Variants in CEP350 observed in about 807,000 individuals in gnomAD.
CEP350 encodes the protein centrosome-associated protein 350.
A neutral mutation model predicts 331.8 loss-of-function variants in CEP350; 126 were observed. The observed-to-expected ratio is 0.38, with a 90% confidence interval of 0.33 to 0.44. CEP350 has a LOEUF of 0.44. Ranked by LOEUF, CEP350 falls within the 20% of genes least tolerant of loss-of-function variation. The pLI is 1.00. For synonymous variants in CEP350, 1,200 were observed against 1,259.5 expected (o/e 0.95, Z 1.00); for missense variants, 3,406 against 3,634.6 (o/e 0.94, Z 1.62).
chr1:179,962,346 A>C (rs969558118), intron 1 of CEP350, among the ~76,000 whole-genome samples: 2 of 152,166 alleles, frequency 1.3e-5, no homozygotes, highest in Non-Finnish European at 2.9e-5. Flanking sequence ...ATGGCTACGT[A>C]GTATTCCACG....
chr1:180,050,145 T>C (rs1293644188), intron 22 of CEP350, among the ~76,000 whole-genome samples: 1 of 152,176 alleles, frequency 6.6e-6, no homozygotes, highest in Non-Finnish European at 1.5e-5. Context: ...AACATAAATC[T>C]AGGTGACGTT....
rs764550684 is a variant in CEP350 at position 180,084,018 on chromosome 1, A to G, written c.6125A>G (p.Glu2042Gly). Residue 2042 changes from glutamate to glycine, a missense_variant and splice_region_variant, in exon 31 of 38, where the codon GAA becomes GGA. Glu to Gly is a moderately conservative substitution (Grantham distance 98). This residue lies in a region of CEP350 where 1,415 missense variants were observed against 1,512.3 expected (regional missense o/e 0.94). Coordinates refer to ENST00000367607, the MANE Select transcript of CEP350 (RefSeq NM_014810.5). ...ATAAAAGATTTTGTATCTCTTTCAG[A>G]AACTACATCTGACCAGAGTGATATT... is the stretch of plus-strand genomic sequence containing the variant. ...SDESLSMTQS[E>G]TTSDQSDIEG... 41 of 1,487,856 alleles carry G rather than the reference A, an allele frequency of 2.8e-5. No homozygotes were observed. Among genetic ancestry groups the G allele is most frequent in the Non-Finnish European group, 3.5e-5 (39 of 1,112,442 alleles). 92.2% of individuals were successfully genotyped at this position (1,487,856 alleles called of 1,614,324 possible). A position where few individuals can be genotyped will look rare whatever the true frequency, so the allele number is the denominator to read the frequency against.
chr1:179,976,684 A>G (rs1022698162), intron 1 of CEP350, among the ~76,000 whole-genome samples: 3 of 152,080 alleles, frequency 2.0e-5, no homozygotes, highest in African/African-American at 7.2e-5. Flanking sequence ...TGAATGTAAG[A>G]AATACAAGAA....
In CEP350 at chr1:180,096,054, C is replaced by T. The variant is rs183508846; in HGVS notation, c.8936C>T (p.Thr2979Ile). 1 of 1,552,366 alleles carries T rather than the reference C, an allele frequency of 6.4e-7. No individual in the cohort carries two copies. Among genetic ancestry groups the T allele is most frequent in the East Asian group, 2.4e-5 (1 of 41,108 alleles). ...TCTATCAAGGCGGTTTTTGATTTAA[C>T]AAAAGAGATTTTTGAGGAAATATTT... is the stretch of plus-strand genomic sequence containing the variant. ...RVYKQAVFDL[T>I]KEIFEEIFAE... The change falls in exon 36 of 38, where the codon ACA becomes ATA. Residue 2979 changes from threonine to isoleucine, a missense_variant. Coordinates refer to ENST00000367607, the MANE Select transcript of CEP350 (RefSeq NM_014810.5).
intron 1 of CEP350, among the ~76,000 whole-genome samples, chr1:179,970,224 A>T (rs547916076): frequency 6.6e-6 from 1 of 152,336 alleles, no homozygotes; most frequent in South Asian, 2.1e-4. Flanking sequence ...CCAAAATAGT[A>T]CTAATGTTAC....
At chr1:179,991,004 A>G (rs1653013308) in intron 4 of CEP350, among the ~76,000 whole-genome samples, 1 of 151,356 alleles carries the variant, frequency 6.6e-6, no homozygotes, top group African/African-American at 2.5e-5. Context: ...CATGTTCAGT[A>G]ACCGTAGATG....
At chr1:180,070,793 T>C (rs1054877411) in intron 27 of CEP350, among the ~76,000 whole-genome samples, 3 of 152,222 alleles carry the variant, frequency 2.0e-5, no homozygotes, top group Admixed American at 2.0e-4. Context: ...AAGTGCTAGA[T>C]GGCTAATTAC....
chr1:179,981,014 A>T (rs1158030792), intron 1 of CEP350, among the ~76,000 whole-genome samples: 1 of 152,184 alleles, frequency 6.6e-6, no homozygotes, highest in Non-Finnish European at 1.5e-5. Context: ...TTTTATTAAT[A>T]GCATGCAAAG....
intron 28 of CEP350, among the ~76,000 whole-genome samples, chr1:180,075,959 G>GA (rs149928975): frequency 2.1e-4 from 30 of 145,754 alleles, no homozygotes; most frequent in African/African-American, 2.8e-4. Flanking sequence ...GTATCTCAAG[G>GA]AAAAAAAAAA....
At chr1:180,023,699 G>T (rs182725047) in intron 13 of CEP350, among the ~76,000 whole-genome samples, 2 of 152,182 alleles carry the variant, frequency 1.3e-5, no homozygotes, top group Non-Finnish European at 2.9e-5. Flanking sequence ...ACAGCAAACT[G>T]AAGCAGAGGT....
intron 22 of CEP350, among the ~76,000 whole-genome samples, chr1:180,050,979 A>G (rs1657462571): frequency 6.6e-6 from 1 of 152,224 alleles, no homozygotes; most frequent in South Asian, 2.1e-4. Flanking sequence ...TCACTGTGAA[A>G]GATAGTGTCT....
At chr1:180,011,256 C>G (rs1379664127) in intron 8 of CEP350, among the ~76,000 whole-genome samples, 4 of 152,104 alleles carry the variant, frequency 2.6e-5, no homozygotes, top group Non-Finnish European at 2.9e-5. Context: ...AATACCATCC[C>G]CTTCAAAAGT....
chr1:180,091,095 C>CCCCCAGCCTTGAG (rs1660168702), intron 33 of CEP350, among the ~76,000 whole-genome samples: 5 of 150,964 alleles, frequency 3.3e-5, no homozygotes, highest in Non-Finnish European at 7.4e-5. Context: ...GCAGCCTTGA[C>CCCCCAGCCTTGAG]CCCCTGGGCT....
chr1:180,006,675 G>C (rs1230068788), intron 8 of CEP350, 108 bp downstream of exon 8: 1 of 641,058 alleles, frequency 1.6e-6, no homozygotes, highest in Non-Finnish European at 2.8e-6. Context: ...TGATACACAG[G>C]GTATACGTGT....
At chr1:180,013,524 C>G (rs1654785953) in intron 9 of CEP350, among the ~76,000 whole-genome samples, 1 of 151,982 alleles carries the variant, frequency 6.6e-6, no homozygotes, top group African/African-American at 2.4e-5. Flanking sequence ...AATAGTAACA[C>G]TAAATATGTA....
At chr1:180,047,298 G>T (rs934698863) in intron 21 of CEP350, among the ~76,000 whole-genome samples, 1 of 152,108 alleles carries the variant, frequency 6.6e-6, no homozygotes, top group Non-Finnish European at 1.5e-5. Context: ...TATACGTTTC[G>T]TTTGTTGGCT....
chr1:180,004,135 T>A (rs1654052877), intron 7 of CEP350, among the ~76,000 whole-genome samples: 1 of 152,252 alleles, frequency 6.6e-6, no homozygotes, highest in Non-Finnish European at 1.5e-5. Flanking sequence ...CCTCTGTCAG[T>A]TATTAGTTGA....
chr1:179,984,464 A>G (rs1206673345), intron 1 of CEP350, among the ~76,000 whole-genome samples: 1 of 152,216 alleles, frequency 6.6e-6, no homozygotes, highest in Non-Finnish European at 1.5e-5. Flanking sequence ...AGGCGGCTTC[A>G]GTTCTTTGCC....
In CEP350 at chr1:180,040,028, A is replaced by AT. The variant is rs529855520; in HGVS notation, c.4111-1099dup. Among the ~76,000 whole-genome samples the AT allele has an allele frequency of 3.1e-3, 459 of 146,962 alleles. 1 individual carries two copies. The highest frequency in any genetic ancestry group is 6.3e-3 in the African/African-American group (251 of 40,124). On this transcript the variant is annotated intron_variant, in intron 17 of 37. Coordinates refer to ENST00000367607, the MANE Select transcript of CEP350 (RefSeq NM_014810.5). Reference sequence around the variant, plus strand: ...ATGTTTTATGGTTTTTGATGCTAAAATTTTTTTTTTTCAGTTTCCTTTTCC... The same window carrying AT: ...ATGTTTTATGGTTTTTGATGCTAAAATTTTTTTTTTTTCAGTTTCCTTTTCC...
Sources: allele counts gnomAD v4.1 joint callset (sites outside exome capture counted in the v4.1 genomes callset), GRCh38; gene constraint gnomAD v4.1.1; regional missense constraint gnomAD v4.1.1; transcripts MANE v1.5; gene names NCBI Gene and HGNC (gene_info 2026-07-23, HGNC 2026-07-21).